Variants in CTXN2 observed in about 807,000 individuals in gnomAD.
CTXN2 encodes cortexin-2.
In CTXN2, 3 loss-of-function variants were observed where a neutral mutation model predicts 5.7. The ratio of observed to expected loss-of-function variants is 0.53; its 90% CI spans 0.24 to 1.36. The LOEUF (loss-of-function observed/expected upper bound fraction) is 1.36. Ranked by LOEUF, CTXN2 falls within the 40% of genes most tolerant of loss-of-function variation. CTXN2 has a pLI of 0.17. For missense variants in CTXN2, 87 were observed against 93.0 expected, an observed-to-expected ratio of 0.94 and a Z score of 0.26; for synonymous variants, 38 against 36.4, an observed-to-expected ratio of 1.04 and a Z score of -0.16.
chr15:48,195,348 CT>C (rs753500874), intron 1 of CTXN2, among the ~76,000 whole-genome samples: 5 of 152,058 alleles, frequency 3.3e-5, no homozygotes, highest in Non-Finnish European at 7.4e-5. Flanking sequence ...CTCATTGCTT[CT>C]CACCTGAACC....
At position 48,201,738 on chromosome 15, in the gene CTXN2, C is replaced by A; in HGVS notation, c.*192C>A. 1.6e-6 allele frequency: 1 copy of A among 627,984 alleles called. No individual in the cohort carries two copies. The highest frequency in any genetic ancestry group is 2.8e-6 in the Non-Finnish European group (1 of 355,950). 38.9% of individuals were successfully genotyped at this position (627,984 alleles called of 1,614,324 possible). A position where few individuals can be genotyped will look rare whatever the true frequency, so the allele number is the denominator to read the frequency against. On this transcript the variant is annotated 3_prime_UTR_variant, in exon 2 of 2. Transcript: ENST00000417307. Reference sequence around the variant, plus strand: ...GATTCCTCACTTTCCTCTGTTCCCACTTAGAGGTTTCCAATGAATAGAGCA... The same window carrying A: ...GATTCCTCACTTTCCTCTGTTCCCAATTAGAGGTTTCCAATGAATAGAGCA...
At chr15:48,201,133 T>C (rs905939880) in intron 1 of CTXN2, 111 bp from the exon 2 acceptor site, 8 of 632,496 alleles carry the variant, frequency 1.3e-5, no homozygotes, top group South Asian at 6.1e-5. Flanking sequence ...CTTTCAAACA[T>C]CTTTTGTGAG....
At chr15:48,196,179 G>A (rs1311323817) in intron 1 of CTXN2, among the ~76,000 whole-genome samples, 2 of 152,038 alleles carry the variant, frequency 1.3e-5, no homozygotes, top group Non-Finnish European at 2.9e-5. Flanking sequence ...GCAGCTTACA[G>A]ATTTATTTTA....
At chr15:48,187,033 T>G (rs1396389178), upstream of CTXN2, among the ~76,000 whole-genome samples, 1 of 152,024 alleles carries the variant, frequency 6.6e-6, no homozygotes, top group East Asian at 1.9e-4. Flanking sequence ...TGGATTACCT[T>G]GGGATTATAA....
intron 1 of CTXN2, among the ~76,000 whole-genome samples, chr15:48,195,434 A>G (rs1377389144): frequency 6.6e-6 from 1 of 152,078 alleles, no homozygotes; most frequent in Non-Finnish European, 1.5e-5. Context: ...TCAGCCTTTA[A>G]GCAAATAGAT....
At chr15:48,191,631 C>T (rs755367119), upstream of CTXN2, 1 of 441,204 alleles carries the variant, frequency 2.3e-6, no homozygotes, top group South Asian at 1.6e-5. Context: ...AACGCGCGCG[C>T]GCACACGTAC....
At chr15:48,190,283 C>G (rs1402142304), upstream of CTXN2, 3 of 152,072 alleles carry the variant, frequency 2.0e-5, no homozygotes, top group Non-Finnish European at 4.4e-5. Flanking sequence ...CTGTTCCAGC[C>G]CAGAGTGCTA....
intron 1 of CTXN2, among the ~76,000 whole-genome samples, chr15:48,198,746 G>A (rs1162581288): frequency 6.6e-6 from 1 of 152,158 alleles, no homozygotes; most frequent in East Asian, 1.9e-4. Flanking sequence ...CTGGTTAAGA[G>A]CCAACAGACT....
chr15:48,200,571 G>A (rs973489550), intron 1 of CTXN2, among the ~76,000 whole-genome samples: 2 of 152,154 alleles, frequency 1.3e-5, no homozygotes, highest in African/African-American at 4.8e-5. Flanking sequence ...TGGTGGGGAG[G>A]TGGCTAATGG....
chr15:48,203,096 A>G lies in CTXN2; in HGVS notation c.*1550A>G, dbSNP rs1276425551. On this transcript the variant is annotated 3_prime_UTR_variant, in exon 2 of 2. Coordinates refer to ENST00000417307, the MANE Select transcript of CTXN2 (RefSeq NM_001145668.2). ...AGAAGAGAAACTGAAGCTAAGAGAA[A>G]TTAACTAGCTTCCCAAGGTCACCAT... is the stretch of plus-strand genomic sequence containing the variant. The G allele has an allele frequency of 3.6e-5, 6 of 167,058 alleles. No homozygotes were observed. The allele number at this position is 167,058 out of a possible 1,614,324, so 10.3% of individuals were successfully genotyped here.
chr15:48,182,389 T>C (rs1357566544), intron 1 of CTXN2, among the ~76,000 whole-genome samples: 1 of 152,228 alleles, frequency 6.6e-6, no homozygotes, highest in Non-Finnish European at 1.5e-5. Flanking sequence ...TCTGTGATCC[T>C]CCATTTCATG....
rs1245023420 is a variant in CTXN2 at position 48,203,353 on chromosome 15, A to G, written c.*1807A>G. On this transcript the variant is annotated 3_prime_UTR_variant, in exon 2 of 2. Coordinates refer to ENST00000417307, the MANE Select transcript of CTXN2 (RefSeq NM_001145668.2). ...TCTTCTGGACCAAATCCTCACCTCA[A>G]GGAGGCTCTCTGTACCCCAGTTGGT... The G allele has an allele frequency of 4.8e-5, 8 of 167,208 alleles. No homozygotes were observed. The highest frequency in any genetic ancestry group is 1.9e-4 in the African/African-American group (8 of 41,550). The allele number at this position is 167,208 out of a possible 1,614,324, so 10.4% of individuals were successfully genotyped here.
At chr15:48,186,542 A>G (rs1335473162) in intron 1 of CTXN2, among the ~76,000 whole-genome samples, 1 of 152,188 alleles carries the variant, frequency 6.6e-6, no homozygotes, top group Non-Finnish European at 1.5e-5. Context: ...ATCAGATGGT[A>G]AAAATGACCT....
At chr15:48,190,607 G>A (rs2040807421), upstream of CTXN2, among the ~76,000 whole-genome samples, 1 of 151,910 alleles carries the variant, frequency 6.6e-6, no homozygotes, top group African/African-American at 2.4e-5. Context: ...CGTTTTCAAA[G>A]TATTTTCTTT....
At position 48,193,208 on chromosome 15, in the gene CTXN2, A is replaced by G. The variant is rs116205435; in HGVS notation, c.-58+1355A>G. On this transcript the variant is annotated intron_variant, in intron 1 of 1. Transcript: ENST00000417307. ...GAAATCTTGGTGCCTGACAATTGCCATGAAGGAAATGTACTTTCAACCAAG... is the reference window on the plus strand; with the variant it reads ...GAAATCTTGGTGCCTGACAATTGCCGTGAAGGAAATGTACTTTCAACCAAG... Among the ~76,000 whole-genome samples the G allele has an allele frequency of 8.6e-3, 1,313 of 152,252 alleles. 12 individuals are homozygous for G. The highest frequency in any genetic ancestry group is 0.03 in the African/African-American group (1,256 of 41,544).
intron 1 of CTXN2, among the ~76,000 whole-genome samples, chr15:48,180,858 T>C (rs976710511): frequency 5.9e-5 from 9 of 152,218 alleles, no homozygotes; most frequent in African/African-American, 7.2e-5. Flanking sequence ...TGTAGGTACA[T>C]TGAAAAATTC....
At chr15:48,191,634 A>ACACGTACTTCGGCGGGCGCC (rs1229948276), upstream of CTXN2, 2 of 443,722 alleles carry the variant, frequency 4.5e-6, no homozygotes, top group Non-Finnish European at 9.1e-6. Flanking sequence ...GCGCGCGCGC[A>ACACGTACTTCGGCGGGCGCC]CACGTACTTC....
At position 48,201,407 on chromosome 15, in the gene CTXN2, T is replaced by C; in HGVS notation, c.107T>C (p.Ile36Thr). The change falls in exon 2 of 2, where the codon ATT becomes ACT. Residue 36 changes from isoleucine to threonine, a missense_variant. Transcript: ENST00000417307. ...EQKTGFAFVG[I>T]LCIFLGLLII... ...AAAACTGGCTTTGCTTTTGTTGGGA[T>C]TTTGTGTATCTTCTTGGGACTTCTT... is the stretch of plus-strand genomic sequence containing the variant. 15 of 1,551,436 alleles carry C rather than the reference T, an allele frequency of 9.7e-6. No homozygotes were observed. Among genetic ancestry groups the C allele is most frequent in the Non-Finnish European group, 1.3e-5 (15 of 1,146,772 alleles).
chr15:48,181,263 T>C (rs1224307008), intron 1 of CTXN2, among the ~76,000 whole-genome samples: 2 of 152,228 alleles, frequency 1.3e-5, no homozygotes, highest in African/African-American at 2.4e-5. Flanking sequence ...GAAGTCAGGT[T>C]CCTGCTACCT....
Sources: allele counts gnomAD v4.1 joint callset (sites outside exome capture counted in the v4.1 genomes callset), GRCh38; gene constraint gnomAD v4.1.1; transcripts MANE v1.5; gene names NCBI Gene and HGNC (gene_info 2026-07-23, HGNC 2026-07-21).